Variants in C19orf38 observed in about 807,000 individuals in gnomAD.
C19orf38 encodes the protein protein HIDE1.
Under a neutral mutation model 26.6 loss-of-function variants are expected in C19orf38, and 14 were observed. The observed-to-expected ratio is 0.53, with a 90% CI of 0.35 to 0.82. The LOEUF (loss-of-function observed/expected upper bound fraction) is 0.82. Ranked by LOEUF, C19orf38 falls within the 40% of genes least tolerant of loss-of-function variation. The pLI, the probability that C19orf38 is intolerant of heterozygous loss-of-function variation, is 0.01. For synonymous variants in C19orf38, 132 were observed against 128.5 expected (o/e 1.03, Z -0.18); for missense variants, 261 against 299.5 (o/e 0.87, Z 0.95).
intron 3 of C19orf38, among the ~76,000 whole-genome samples, chr19:10,857,796 G>A (rs913786467): frequency 2.6e-5 from 4 of 151,478 alleles, no homozygotes; most frequent in Admixed American, 2.6e-4. Context: ...CAGAAGAATC[G>A]CTTGAACCTG....
At chr19:10,861,803 C>T (rs1472300142) in intron 5 of C19orf38, among the ~76,000 whole-genome samples, 2 of 151,992 alleles carry the variant, frequency 1.3e-5, no homozygotes, top group African/African-American at 2.4e-5. Flanking sequence ...GTCTCGAACT[C>T]ATGACCTCAG....
rs577519688 is a variant in C19orf38 at position 10,855,020 on chromosome 19, G to A, written c.341-1245G>A. ...GGCAAGATTGTGCCCTGAAGCTTCA[G>A]ATATATATTCTTTTTTTTTTTTTTT... On this transcript the variant is annotated intron_variant, in intron 2 of 6. Coordinates refer to ENST00000397820, the MANE Select transcript of C19orf38 (RefSeq NM_001136482.3). Among the ~76,000 whole-genome samples, 3 of 143,898 alleles carry A rather than the reference G, an allele frequency of 2.1e-5. No individual in the cohort carries two copies. The South Asian group carries it at 6.8e-4, about 32-fold the overall frequency. 94.4% of individuals were successfully genotyped at this position (143,898 alleles called of 152,430 possible). A position where few individuals can be genotyped will look rare whatever the true frequency, so the allele number is the denominator to read the frequency against.
chr19:10,856,595 C>T (rs531011112), intron 3 of C19orf38, among the ~76,000 whole-genome samples: 3 of 152,112 alleles, frequency 2.0e-5, no homozygotes, highest in South Asian at 4.2e-4. Flanking sequence ...CCTCCGCCTT[C>T]GAGGTTCAAG....
At chr19:10,840,499 A>ATTTTTGTTTTTG (rs57035632) in intron 1 of C19orf38, among the ~76,000 whole-genome samples, 2 of 151,366 alleles carry the variant, frequency 1.3e-5, no homozygotes, top group African/African-American at 2.4e-5. Flanking sequence ...ATAAAGACAG[A>ATTTTTGTTTTTG]TTTTTGTTTT....
intron 3 of C19orf38, among the ~76,000 whole-genome samples, 177 bp downstream of exon 3, chr19:10,856,534 C>T (rs541668822): frequency 5.3e-5 from 8 of 152,266 alleles, no homozygotes; most frequent in African/African-American, 1.7e-4. Context: ...GACAGAGGCT[C>T]GCTCTGTCGC....
intron 6 of C19orf38, among the ~76,000 whole-genome samples, chr19:10,865,993 A>C (rs988834665): frequency 6.7e-6 from 1 of 149,708 alleles, no homozygotes. Flanking sequence ...ATTTTTATAT[A>C]TATATTTATT....
chr19:10,848,603 C>G, intron 1 of C19orf38, 64 bp downstream of exon 1: 2 of 1,397,186 alleles, frequency 1.4e-6, no homozygotes, highest in Non-Finnish European at 1.9e-6. Flanking sequence ...TCCACCTTGC[C>G]GCTCCAGGGG....
At chr19:10,858,865 A>C (rs950147578) in intron 4 of C19orf38, among the ~76,000 whole-genome samples, 2 of 151,592 alleles carry the variant, frequency 1.3e-5, no homozygotes, top group African/African-American at 2.4e-5. Context: ...CCTGGAGATG[A>C]AAACCTGCTC....
chr19:10,858,632 G>A (rs550904575), intron 4 of C19orf38, among the ~76,000 whole-genome samples: 1 of 152,160 alleles, frequency 6.6e-6, no homozygotes, highest in African/African-American at 2.4e-5. Flanking sequence ...AGAGTGAGCA[G>A]TTTGCCCAGG....
rs12977837 is a variant in C19orf38 at position 10,842,927 on chromosome 19, C to T, written c.-68-5514C>T. Among the ~76,000 whole-genome samples, 420 of 152,300 alleles carry T rather than the reference C, an allele frequency of 2.8e-3. 1 individual carries two copies. The highest frequency in any genetic ancestry group is 4.5e-3 in the Non-Finnish European group (309 of 68,032). ...TAGCTTGTATCTGCATTCGGCAGTT[C>T]TCAAGCTCTTGTCCTGCATCCAAGA... On this transcript the variant is annotated intron_variant, in intron 1 of 7. Transcript: ENST00000592854.
At chr19:10,838,282 T>C (rs112117957) in intron 1 of C19orf38, among the ~76,000 whole-genome samples, 15,092 of 151,876 alleles carry the variant, frequency 0.099, 752 homozygotes, top group Middle Eastern at 0.12. Context: ...TGGTGGCGGG[T>C]GCCTGTAGTC....
At chr19:10,863,304 C>T in intron 6 of C19orf38, 97 bp downstream of exon 6, 3 of 1,354,820 alleles carry the variant, frequency 2.2e-6, no homozygotes, top group Non-Finnish European at 3.1e-6. Flanking sequence ...AGTTGACCTG[C>T]TGTCTCTAAG....
chr19:10,864,095 C>G (rs1270318351), intron 6 of C19orf38, among the ~76,000 whole-genome samples: 1 of 152,070 alleles, frequency 6.6e-6, no homozygotes, highest in Non-Finnish European at 1.5e-5. Flanking sequence ...GAGTCTAGCT[C>G]TGTCGCCCAG....
intron 3 of C19orf38, among the ~76,000 whole-genome samples, chr19:10,858,080 T>A (rs539443744): frequency 1.3e-5 from 2 of 150,868 alleles, no homozygotes; most frequent in South Asian, 4.2e-4. Flanking sequence ...AATACAAAAA[T>A]AGCCTGGCCT....
chr19:10,867,093 A>G (rs1042811063), intron 6 of C19orf38, among the ~76,000 whole-genome samples: 4 of 151,262 alleles, frequency 2.6e-5, no homozygotes, highest in African/African-American at 9.7e-5. Context: ...CCCGGCCCAG[A>G]AATTTCTCAT....
At position 10,869,654 on chromosome 19, in the gene C19orf38, G is replaced by A. The variant is rs921841180; in HGVS notation, c.*287G>A. The A allele has an allele frequency of 1.3e-4, 56 of 422,338 alleles. 1 individual carries two copies. Among genetic ancestry groups the A allele is most frequent in the South Asian group, 1.8e-4 (5 of 27,230 alleles). 26.2% of individuals were successfully genotyped at this position (422,338 alleles called of 1,614,324 possible). A position where few individuals can be genotyped will look rare whatever the true frequency, so the allele number is the denominator to read the frequency against. ...TTCTTGTCCCCCAGCTGGGCCATAAGACGTCCCAGGTCTCTGCACACCCGT... is the reference window on the plus strand; with the variant it reads ...TTCTTGTCCCCCAGCTGGGCCATAAAACGTCCCAGGTCTCTGCACACCCGT... On this transcript the variant is annotated 3_prime_UTR_variant, in exon 7 of 7. Coordinates refer to ENST00000397820, the MANE Select transcript of C19orf38 (RefSeq NM_001136482.3).
At chr19:10,860,447 A>G (rs1298687098) in intron 5 of C19orf38, among the ~76,000 whole-genome samples, 1 of 146,994 alleles carries the variant, frequency 6.8e-6, no homozygotes, top group Non-Finnish European at 1.5e-5. Flanking sequence ...GGCAAGGAGA[A>G]TCATGTGAAC....
At chr19:10,837,135 C>T (rs1360964339) in intron 1 of C19orf38, among the ~76,000 whole-genome samples, 3 of 152,202 alleles carry the variant, frequency 2.0e-5, no homozygotes, top group Non-Finnish European at 2.9e-5. Context: ...CTTTAGGATA[C>T]GTGAAATGCT....
chr19:10,857,366 A>ATATTTTTTT (rs1433358051), intron 3 of C19orf38, among the ~76,000 whole-genome samples: 25 of 56,082 alleles, frequency 4.5e-4, no homozygotes, highest in African/African-American at 2.2e-3. Flanking sequence ...ATATATATAT[A>ATATTTTTTT]TTTTTTTTTT....
Sources: gnomAD v4.1 joint callset for allele counts (sites outside exome capture counted in the v4.1 genomes callset) on GRCh38, gnomAD v4.1.1 for gene constraint, MANE v1.5 for transcripts, NCBI Gene and HGNC (gene_info 2026-07-23, HGNC 2026-07-21) for gene names.